ITSN1: variants seen among roughly 807,000 people sequenced by gnomAD.
ITSN1 encodes intersectin-1.
ITSN1 carries 58 observed loss-of-function variants against 239.8 expected under a neutral mutation model. That is an observed-to-expected ratio of 0.24 (90% CI 0.20 to 0.30). The LOEUF (loss-of-function observed/expected upper bound fraction) is 0.30, where lower values mean the gene tolerates loss of function less well. ITSN1 is among the 10% of genes least tolerant of loss of function. ITSN1 has a pLI of 1.00. For synonymous variants in ITSN1, 780 were observed against 770.8 expected, an observed-to-expected ratio of 1.01 and a Z score of -0.20; for missense variants, 1,558 against 2,103.3, an observed-to-expected ratio of 0.74 and a Z score of 5.07.
At chr21:33,710,463 T>A (rs998202573) in intron 1 of ITSN1, among the ~76,000 whole-genome samples, 1 of 152,206 alleles carries the variant, frequency 6.6e-6, no homozygotes, top group Non-Finnish European at 1.5e-5. Context: ...TCTGCTTTAT[T>A]CTGCTAATAT....
chr21:33,840,338 G>C (rs745561075), intron 29 of ITSN1, among the ~76,000 whole-genome samples: 16 of 151,744 alleles, frequency 1.1e-4, no homozygotes, highest in Non-Finnish European at 1.6e-4. Flanking sequence ...GTTTTGGTTT[G>C]TTTGTTCTTT....
intron 1 of ITSN1, among the ~76,000 whole-genome samples, chr21:33,671,149 A>G (rs1399183143): frequency 6.6e-6 from 1 of 152,230 alleles, no homozygotes; most frequent in Non-Finnish European, 1.5e-5. Context: ...AACCTGTTAA[A>G]TAAATGCCAG....
chr21:33,761,786 C>G, intron 8 of ITSN1, 137 bp from the exon 9 acceptor site: 2 of 637,172 alleles, frequency 3.1e-6, no homozygotes, highest in Non-Finnish European at 5.7e-6. Context: ...AAAGCCCCTG[C>G]GGTAGTAGCA....
At chr21:33,718,776 A>G (rs985183925) in intron 1 of ITSN1, 21 bp from the exon 2 acceptor site, 15 of 1,524,256 alleles carry the variant, frequency 9.8e-6, no homozygotes, top group Non-Finnish European at 1.3e-5. Flanking sequence ...ATAAACTTAA[A>G]TGTTGCATTT....
intron 31 of ITSN1, among the ~76,000 whole-genome samples, chr21:33,864,740 A>T (rs1249655064): frequency 1.3e-5 from 2 of 152,176 alleles, no homozygotes; most frequent in East Asian, 3.9e-4. Context: ...GCCAAAAATC[A>T]TCCTTCCCCA....
intron 19 of ITSN1, among the ~76,000 whole-genome samples, chr21:33,801,082 G>C (rs111263615): frequency 2.0e-5 from 3 of 152,172 alleles, no homozygotes; most frequent in African/African-American, 7.2e-5. Flanking sequence ...TGTTGCCCAG[G>C]CTGGTCTTGA....
intron 1 of ITSN1, among the ~76,000 whole-genome samples, chr21:33,698,597 A>G (rs1183765712): frequency 1.3e-5 from 2 of 152,234 alleles, no homozygotes; most frequent in African/African-American, 4.8e-5. Flanking sequence ...TAGAAGCCAC[A>G]TTTGAGGCTC....
intron 1 of ITSN1, among the ~76,000 whole-genome samples, chr21:33,660,814 A>G (rs913232204): frequency 3.9e-5 from 6 of 152,164 alleles, no homozygotes; most frequent in Non-Finnish European, 8.8e-5. Context: ...CCTCTGTTAC[A>G]ATAAAATCTG....
intron 8 of ITSN1, chr21:33,757,128 G>A (rs1168302838): frequency 2.0e-5 from 3 of 152,172 alleles, no homozygotes; most frequent in Non-Finnish European, 2.9e-5. Context: ...TTTGACACCA[G>A]TGCTCCATAC....
At chr21:33,776,051 T>G (rs559378409) in intron 14 of ITSN1, among the ~76,000 whole-genome samples, 1 of 152,200 alleles carries the variant, frequency 6.6e-6, no homozygotes, top group South Asian at 2.1e-4. Context: ...AATGACTCTT[T>G]TGTTTCTTTT....
intron 1 of ITSN1, among the ~76,000 whole-genome samples, chr21:33,669,856 TCGTATGCC>T (rs1462632301): frequency 2.6e-5 from 4 of 152,176 alleles, no homozygotes; most frequent in Non-Finnish European, 5.9e-5. Context: ...CATCATTTGT[TCGTATGCC>T]CAATGTAGAA....
In ITSN1 at chr21:33,690,790, CATAT is replaced by C. The variant is rs1167375498; in HGVS notation, c.-32-27986_-32-27983del. On this transcript the variant is annotated intron_variant, in intron 1 of 39. Transcript: ENST00000381318. ...AAAAAAAAGTGTATATATATATATACATATATATATATATATATATATATGTATA... is the reference window on the plus strand; with the variant it reads ...AAAAAAAAGTGTATATATATATATACATATATATATATATATATATGTATA... Among the ~76,000 whole-genome samples, 23 of 12,966 alleles carry C rather than the reference CATAT, an allele frequency of 1.8e-3. 1 individual carries two copies. The highest frequency in any genetic ancestry group is 2.1e-3 in the Non-Finnish European group (16 of 7,498). The allele number at this position is 12,966 out of a possible 152,430, so 8.5% of individuals were successfully genotyped here. A position where few individuals can be genotyped will look rare whatever the true frequency, so the allele number is the denominator to read the frequency against.
At chr21:33,645,837 G>C (rs1394471894) in intron 1 of ITSN1, among the ~76,000 whole-genome samples, 1 of 152,200 alleles carries the variant, frequency 6.6e-6, no homozygotes. Context: ...CCTGAGACTA[G>C]CTCCTGAAGT....
rs763776781 is a variant in ITSN1 at position 33,767,838 on chromosome 21, C to G, written c.1042+10C>G. Reference sequence around the variant, plus strand: ...GAAAAGAAATTACCTGGTAAGGCAGCCTTTATGTTGAGTTAAATCATTTAG... The same window carrying G: ...GAAAAGAAATTACCTGGTAAGGCAGGCTTTATGTTGAGTTAAATCATTTAG... On this transcript the variant is annotated intron_variant, in intron 11 of 39. Coordinates refer to ENST00000381318, the MANE Select transcript of ITSN1 (RefSeq NM_003024.3). 3.5e-6 allele frequency: 5 copies of G among 1,418,538 alleles called. No individual in the cohort carries two copies. The highest frequency in any genetic ancestry group is 1.8e-4 in the Middle Eastern group (1 of 5,670). 87.9% of individuals were successfully genotyped at this position (1,418,538 alleles called of 1,614,324 possible).
chr21:33,642,776 G>GGCGCGGGGGTCT (rs2087508980), intron 1 of ITSN1, 63 bp downstream of exon 1: 1 of 152,556 alleles, frequency 6.6e-6, no homozygotes, highest in East Asian at 1.9e-4. Flanking sequence ...GGCGGGGGTC[G>GGCGCGGGGGTCT]GCGCGGGGGT....
chr21:33,855,733 C>T (rs890106415), intron 29 of ITSN1, among the ~76,000 whole-genome samples: 6 of 152,228 alleles, frequency 3.9e-5, no homozygotes, highest in African/African-American at 1.2e-4. Context: ...CCCTTCCCGT[C>T]GGGCAGCCTT....
intron 29 of ITSN1, among the ~76,000 whole-genome samples, chr21:33,850,333 G>A (rs571342245): frequency 6.6e-6 from 1 of 152,140 alleles, no homozygotes; most frequent in Non-Finnish European, 1.5e-5. Flanking sequence ...AGGCTGGGTG[G>A]GATACCTGAG....
rs115940583 is a variant in ITSN1 at position 33,653,817 on chromosome 21, C to T, written c.-33+11104C>T. Among the ~76,000 whole-genome samples, 532 of 152,214 alleles carry T rather than the reference C, an allele frequency of 3.5e-3. 3 individuals carry two copies. The highest frequency in any genetic ancestry group is 0.012 in the African/African-American group (504 of 41,546). On this transcript the variant is annotated intron_variant, in intron 1 of 39. Coordinates refer to ENST00000381318, the MANE Select transcript of ITSN1 (RefSeq NM_003024.3). ...AATTACAGGCGTGAGCCACTGCGCCCGGCCAATGTCTTTCTTTTTTTTGAG... is the reference window on the plus strand; with the variant it reads ...AATTACAGGCGTGAGCCACTGCGCCTGGCCAATGTCTTTCTTTTTTTTGAG...
At chr21:33,819,898 C>T (rs377227640) in intron 24 of ITSN1, among the ~76,000 whole-genome samples, 2 of 152,166 alleles carry the variant, frequency 1.3e-5, no homozygotes, top group East Asian at 1.9e-4. Flanking sequence ...AGGAGAATGG[C>T]GTGAACCCGG....
Sources: gnomAD v4.1 joint callset for allele counts (sites outside exome capture counted in the v4.1 genomes callset) on GRCh38, gnomAD v4.1.1 for gene constraint, MANE v1.5 for transcripts, NCBI Gene and HGNC (gene_info 2026-07-23, HGNC 2026-07-21) for gene names.